NDC1: variants seen among roughly 807,000 people sequenced by gnomAD.
The protein encoded by NDC1 is NDC1 transmembrane nucleoporin.
In NDC1, 24 loss-of-function variants were observed where a neutral mutation model predicts 89.8. That is an observed-to-expected ratio of 0.27 (90% confidence interval 0.19 to 0.38). The LOEUF (loss-of-function observed/expected upper bound fraction) is 0.38, where lower values mean the gene tolerates loss of function less well. Among genes scored for constraint, NDC1 ranks in the 10% least tolerant of loss-of-function variants. The pLI is 1.00. For missense variants in NDC1, 728 were observed against 797.6 expected (o/e 0.91, Z 1.05); for synonymous variants, 296 against 284.8 (o/e 1.04, Z -0.39).
intron 10 of NDC1, 149 bp from the exon 11 acceptor site, chr1:53,800,997 C>G: frequency 1.8e-6 from 1 of 561,050 alleles, no homozygotes; most frequent in Non-Finnish European, 3.0e-6. Context: ...CTCATGACAT[C>G]TAATACACAG....
Position 53,777,767 on chromosome 1 carries a change from G to C in NDC1, c.1801-5278C>G, listed in dbSNP as rs548298186. ...GGTCTCACTCTGTTGCCCAGGCTGA[G>C]TGTAGTGGTATGATTACAGCTCACT... On this transcript the variant is annotated intron_variant, in intron 16 of 17. Transcript: ENST00000371429. 1.2e-3 allele frequency among the ~76,000 whole-genome samples: 182 copies of C among 152,250 alleles called. 2 individuals are homozygous for C. Among genetic ancestry groups the C allele is most frequent in the Non-Finnish European group, 1.1e-3 (76 of 68,018 alleles).
intron 11 of NDC1, among the ~76,000 whole-genome samples, chr1:53,798,942 A>G (rs1647819202): frequency 6.6e-6 from 1 of 152,208 alleles, no homozygotes; most frequent in African/African-American, 2.4e-5. Context: ...TAAGAGTTTT[A>G]CAATTATTCT....
intron 16 of NDC1, among the ~76,000 whole-genome samples, chr1:53,779,446 G>A (rs952057819): frequency 6.6e-6 from 1 of 151,794 alleles, no homozygotes; most frequent in Non-Finnish European, 1.5e-5. Context: ...TATAATAAAT[G>A]TTATTTTCCA....
intron 16 of NDC1, among the ~76,000 whole-genome samples, chr1:53,783,470 C>T (rs926523820): frequency 3.3e-5 from 5 of 152,114 alleles, no homozygotes; most frequent in Non-Finnish European, 7.4e-5. Context: ...CATCTTTTCT[C>T]AACATCCAAA....
At chr1:53,825,691 G>C (rs751313622) in intron 5 of NDC1, 107 bp downstream of exon 5, 8 of 925,644 alleles carry the variant, frequency 8.6e-6, no homozygotes, top group Admixed American at 2.9e-5. Flanking sequence ...CTAAGTGTTG[G>C]TTATCAAATC....
intron 2 of NDC1, 23 bp from the exon 3 acceptor site, chr1:53,832,614 T>G: frequency 1.6e-6 from 2 of 1,231,588 alleles, no homozygotes; most frequent in South Asian, 1.2e-5. Flanking sequence ...AGAGATGAAT[T>G]AGTAAAGGTT....
intron 16 of NDC1, among the ~76,000 whole-genome samples, chr1:53,781,347 A>G (rs1056883573): frequency 1.3e-5 from 2 of 152,228 alleles, no homozygotes; most frequent in Non-Finnish European, 2.9e-5. Flanking sequence ...ATTAACCAAA[A>G]CAGCATGTAA....
Position 53,803,954 on chromosome 1 carries a change from T to G in NDC1, c.1040A>C (p.Gln347Pro). Residue 347 changes from glutamine (Q) to proline (P), a missense_variant, in exon 10 of 18, where the codon CAA becomes CCA. Coordinates refer to ENST00000371429, the MANE Select transcript of NDC1 (RefSeq NM_018087.5). ...TGGTTGGCTGAGGCTGAAAACTTCTTGTCTTCGTGAAGGAGAATATTGAGA... is the reference window on the plus strand; with the variant it reads ...TGGTTGGCTGAGGCTGAAAACTTCTGGTCTTCGTGAAGGAGAATATTGAGA... ...LLSQYSPSRR[Q>P]EVFSLSQPGG... The G allele has an allele frequency of 6.2e-7, 1 of 1,614,092 alleles. No individual in the cohort carries two copies. Among genetic ancestry groups the G allele is most frequent in the Non-Finnish European group, 8.5e-7 (1 of 1,179,926 alleles).
chr1:53,836,128 G>A (rs919097378), intron 1 of NDC1, among the ~76,000 whole-genome samples: 2 of 152,186 alleles, frequency 1.3e-5, no homozygotes, highest in Non-Finnish European at 2.9e-5. Context: ...TTTTAAGCAT[G>A]AAAGTGACAA....
At position 53,818,850 on chromosome 1, in the gene NDC1, A is replaced by C. The variant is rs1277199818; in HGVS notation, c.703+121T>G. 7 of 557,770 alleles carry C rather than the reference A, an allele frequency of 1.3e-5. No homozygotes were observed. The Admixed American group carries it at 1.9e-4, about 15-fold the overall frequency. The allele number at this position is 557,770 out of a possible 1,614,324, so 34.6% of individuals were successfully genotyped here. On this transcript the variant is annotated intron_variant, in intron 6 of 17. Coordinates refer to ENST00000371429, the MANE Select transcript of NDC1 (RefSeq NM_018087.5). ...TCTTTGACAATTTAAACAATGAATCAGTTGAGCTAATCACATACCTATAAC... is the reference window on the plus strand; with the variant it reads ...TCTTTGACAATTTAAACAATGAATCCGTTGAGCTAATCACATACCTATAAC...
At chr1:53,797,266 T>C (rs1371081381) in intron 11 of NDC1, 122 bp from the exon 12 acceptor site, 2 of 894,190 alleles carry the variant, frequency 2.2e-6, no homozygotes, top group Non-Finnish European at 3.4e-6. Context: ...CTCAGTAGAT[T>C]GTTTCCATTT....
chr1:53,801,353 G>C (rs1647910417), intron 10 of NDC1, among the ~76,000 whole-genome samples: 1 of 152,092 alleles, frequency 6.6e-6, no homozygotes, highest in African/African-American at 2.4e-5. Context: ...CCTATTTGCT[G>C]TTACATCTGT....
chr1:53,827,355 C>A (rs971669613), intron 4 of NDC1, among the ~76,000 whole-genome samples: 1 of 151,918 alleles, frequency 6.6e-6, no homozygotes, highest in Non-Finnish European at 1.5e-5. Flanking sequence ...TAGGGCACTG[C>A]AGCCTCTAAT....
chr1:53,799,444 T>C (rs566386318), intron 11 of NDC1, among the ~76,000 whole-genome samples: 7 of 152,378 alleles, frequency 4.6e-5, no homozygotes, highest in African/African-American at 1.7e-4. Flanking sequence ...TTTATTTAAA[T>C]CATTTTTCAT....
chr1:53,815,849 A>G (rs1048110789), intron 6 of NDC1, among the ~76,000 whole-genome samples: 1 of 152,218 alleles, frequency 6.6e-6, no homozygotes, highest in Non-Finnish European at 1.5e-5. Flanking sequence ...AAACCCTTTT[A>G]GAATAGCTGC....
intron 9 of NDC1, among the ~76,000 whole-genome samples, chr1:53,805,802 C>T (rs577623422): frequency 3.3e-5 from 5 of 152,082 alleles, no homozygotes; most frequent in African/African-American, 4.8e-5. Flanking sequence ...TGGCCGGGCG[C>T]GGTGGCTCAC....
At chr1:53,834,901 A>C (rs1333873532) in intron 2 of NDC1, among the ~76,000 whole-genome samples, 2 of 152,090 alleles carry the variant, frequency 1.3e-5, no homozygotes, top group Non-Finnish European at 2.9e-5. Flanking sequence ...TGAAGTCAGG[A>C]GCTCAAGACC....
chr1:53,817,081 A>C (rs1037118132), intron 6 of NDC1, among the ~76,000 whole-genome samples: 7 of 152,238 alleles, frequency 4.6e-5, no homozygotes, highest in Non-Finnish European at 1.0e-4. Context: ...AAAAGTGTGG[A>C]GATTCCTTAA....
At chr1:53,809,591 T>TA (rs1255444059) in intron 7 of NDC1, 104 bp downstream of exon 7, 14 of 816,842 alleles carry the variant, frequency 1.7e-5, no homozygotes, top group Admixed American at 9.9e-5. Flanking sequence ...ATACAATTTT[T>TA]AAAAAAATGT....
Sources: allele counts gnomAD v4.1 joint callset (sites outside exome capture counted in the v4.1 genomes callset), GRCh38; gene constraint gnomAD v4.1.1; transcripts MANE v1.5; gene names NCBI Gene and HGNC (gene_info 2026-07-23, HGNC 2026-07-21).